The following AHI1 variants were observed in gnomAD, a reference collection of about 807,000 sequenced individuals.
AHI1 encodes the protein jouberin.
A neutral mutation model predicts 149.3 loss-of-function variants in AHI1; 123 were observed. That is an observed-to-expected ratio of 0.82 (90% CI 0.71 to 0.96). The LOEUF is 0.96. Among genes scored for constraint, AHI1 ranks in the 40% least tolerant of loss-of-function variants. The pLI is 0.00. For synonymous variants in AHI1, 475 were observed against 459.8 expected, an observed-to-expected ratio of 1.03 and a Z score of -0.42; for missense variants, 1,439 against 1,422.7, an observed-to-expected ratio of 1.01 and a Z score of -0.18.
intron 25 of AHI1, among the ~76,000 whole-genome samples, chr6:135,320,520 G>A (rs1161828932): frequency 6.6e-6 from 1 of 152,138 alleles, no homozygotes; most frequent in Non-Finnish European, 1.5e-5. Context: ...CAAACTCTTG[G>A]CGTCAAGTGA....
In AHI1 at chr6:135,416,367, C is replaced by G. The variant is rs184685490; in HGVS notation, c.2765-4823G>C. On this transcript the variant is annotated intron_variant, in intron 20 of 28. Coordinates refer to ENST00000265602, the MANE Select transcript of AHI1 (RefSeq NM_001134831.2). ...TAATAAAAATGCAAATTAGAAAGTG[C>G]CTTTTTTTTTTGCCTGTTTAACTGA... Among the ~76,000 whole-genome samples, 1,064 of 149,146 alleles carry G rather than the reference C, an allele frequency of 7.1e-3. 11 individuals are homozygous for G. The highest frequency in any genetic ancestry group is 0.026 in the African/African-American group (1,010 of 39,420).
intron 24 of AHI1, among the ~76,000 whole-genome samples, chr6:135,344,262 A>G (rs552333461): frequency 5.3e-4 from 80 of 151,904 alleles, no homozygotes; most frequent in African/African-American, 1.9e-3. Context: ...GAACCTACAG[A>G]CACGGAGGGC....
intron 9 of AHI1, 46 bp from the exon 10 acceptor site, chr6:135,455,972 G>T: frequency 7.7e-7 from 1 of 1,290,696 alleles, no homozygotes; most frequent in East Asian, 2.6e-5. Context: ...TCATAATTTT[G>T]AGGTGAGAAA....
chr6:135,411,255 T>C, intron 21 of AHI1, 93 bp downstream of exon 21: 2 of 1,230,004 alleles, frequency 1.6e-6, no homozygotes, highest in Non-Finnish European at 2.3e-6. Flanking sequence ...TTTAAGTAAT[T>C]AACTTACTTC....
chr6:135,459,111 T>C (rs769285046), intron 8 of AHI1, among the ~76,000 whole-genome samples: 5 of 152,140 alleles, frequency 3.3e-5, no homozygotes, highest in Non-Finnish European at 5.9e-5. Context: ...GCATGGAATA[T>C]TTACCAAATC....
At position 135,290,483 on chromosome 6, in the gene AHI1, G is replaced by T. The variant is rs1782204055; in HGVS notation, c.3528C>A (p.His1176Gln). The change falls in exon 28 of 29, where the codon CAC becomes CAA. Residue 1176 changes from histidine to glutamine, a missense_variant. Transcript: ENST00000265602. ...RKEQSHEDQG[H>Q]IMDTRMRKNK... ...TCTTCCTCATCCGTGTATCCATTAT[G>T]TGTCCTTGGTCCTCATGGCTCTGTT... 6.2e-7 allele frequency: 1 copy of T among 1,613,608 alleles called. No individual in the cohort carries two copies. Among genetic ancestry groups the T allele is most frequent in the Admixed American group, 1.7e-5 (1 of 59,992 alleles).
chr6:135,384,162 T>C (rs898478059), intron 23 of AHI1, among the ~76,000 whole-genome samples: 1 of 152,236 alleles, frequency 6.6e-6, no homozygotes, highest in South Asian at 2.1e-4. Context: ...CACAGAAATA[T>C]AGATTTTAAC....
chr6:135,463,838 A>G (rs1790316396), intron 7 of AHI1, among the ~76,000 whole-genome samples: 2 of 151,912 alleles, frequency 1.3e-5, no homozygotes, highest in Non-Finnish European at 2.9e-5. Context: ...TGCTGCCTCA[A>G]CCTCCCAGGC....
intron 22 of AHI1, among the ~76,000 whole-genome samples, chr6:135,398,274 G>A (rs1779537347): frequency 6.6e-6 from 1 of 151,930 alleles, no homozygotes; most frequent in Non-Finnish European, 1.5e-5. Context: ...GTAGTCTATG[G>A]TATTATAAAG....
intron 22 of AHI1, among the ~76,000 whole-genome samples, chr6:135,402,310 C>A (rs1188888308): frequency 1.3e-5 from 2 of 152,106 alleles, no homozygotes; most frequent in African/African-American, 4.8e-5. Context: ...AACAGTTCCA[C>A]TCCTAGATAC....
At chr6:135,362,156 TGTG>T (rs138687031) in intron 23 of AHI1, among the ~76,000 whole-genome samples, 5,149 of 152,090 alleles carry the variant, frequency 0.034, 262 homozygotes, top group African/African-American at 0.11. Context: ...ATAAAGAAAA[TGTG>T]GTGTATATAC....
At chr6:135,306,593 A>C (rs558374900) in intron 26 of AHI1, among the ~76,000 whole-genome samples, 2 of 152,310 alleles carry the variant, frequency 1.3e-5, no homozygotes, top group Admixed American at 1.3e-4. Context: ...CACAAATCTC[A>C]TGAAGAGACA....
chr6:135,457,387 T>C (rs1789140123), intron 9 of AHI1, 107 bp downstream of exon 9: 1 of 769,168 alleles, frequency 1.3e-6, no homozygotes, highest in Non-Finnish European at 2.1e-6. Flanking sequence ...TATTCTCTAA[T>C]ACAAATCCAT....
Position 135,463,326 on chromosome 6 carries a change from A to C in AHI1, c.750-20T>G. On this transcript the variant is annotated intron_variant, in intron 7 of 28. Transcript: ENST00000265602. ...AATGTACTACAAATATAATCCAAGTATCAGCCATTACAGATATATTATCAT... is the reference window on the plus strand; with the variant it reads ...AATGTACTACAAATATAATCCAAGTCTCAGCCATTACAGATATATTATCAT... 6.4e-7 allele frequency: 1 copy of C among 1,564,614 alleles called. No homozygotes were observed. Among genetic ancestry groups the C allele is most frequent in the Non-Finnish European group, 8.7e-7 (1 of 1,154,614 alleles).
chr6:135,469,694 T>G (rs1187166041), intron 5 of AHI1, among the ~76,000 whole-genome samples: 9 of 152,176 alleles, frequency 5.9e-5, no homozygotes, highest in Non-Finnish European at 8.8e-5. Context: ...TTGACAAACC[T>G]GACAAAAACA....
At chr6:135,474,922 A>G (rs1290303726) in intron 5 of AHI1, among the ~76,000 whole-genome samples, 2 of 152,238 alleles carry the variant, frequency 1.3e-5, no homozygotes, top group African/African-American at 2.4e-5. Flanking sequence ...ATTGCCCACA[A>G]AAAGGAGTGG....
chr6:135,453,419 G>A lies in AHI1; in HGVS notation c.1362C>T (p.Ser454=), dbSNP rs760276355. 6.4e-6 allele frequency: 10 copies of A among 1,553,586 alleles called. No individual in the cohort carries two copies. The highest frequency in any genetic ancestry group is 6.0e-5 in the South Asian group (5 of 83,616). ...CAGAATTATTCTTAATTTCATCCAC[G>A]CTTAAGAAATCAAGAATCTGCAAAT... The part of the protein sequence containing the change: ...ILFFEILDFL[S]VDEIKNNSEV... Residue 454 remains serine, a synonymous_variant, in exon 11 of 29, where the codon AGC becomes AGT. Transcript: ENST00000265602.
At chr6:135,299,865 T>C (rs999571106) in intron 27 of AHI1, among the ~76,000 whole-genome samples, 1 of 152,220 alleles carries the variant, frequency 6.6e-6, no homozygotes, top group African/African-American at 2.4e-5. Flanking sequence ...TAATTTTACT[T>C]TTAATACACG....
At chr6:135,387,900 A>G in intron 23 of AHI1, 1 of 1,583,348 alleles carries the variant, frequency 6.3e-7, no homozygotes, top group South Asian at 1.2e-5. Flanking sequence ...CCGAAGAGAG[A>G]AAGTGAACTA....
Sources: allele counts gnomAD v4.1 joint callset (sites outside exome capture counted in the v4.1 genomes callset), GRCh38; gene constraint gnomAD v4.1.1; transcripts MANE v1.5; gene names NCBI Gene and HGNC (gene_info 2026-07-23, HGNC 2026-07-21).